The following RNF123 variants were observed in gnomAD, a reference collection of about 807,000 sequenced individuals.
RNF123 encodes the protein E3 ubiquitin-protein ligase RNF123.
Under a neutral mutation model 168.5 loss-of-function variants are expected in RNF123, and 86 were observed. The observed-to-expected ratio is 0.51, with a 90% confidence interval of 0.43 to 0.61. The LOEUF (loss-of-function observed/expected upper bound fraction) is 0.61. Ranked by LOEUF, RNF123 falls within the 20% of genes least tolerant of loss-of-function variation. The probability of loss-of-function intolerance (pLI) is 0.00; values close to 1 mark genes in which losing one functional copy is unlikely to be tolerated. For missense variants in RNF123, 1,419 were observed against 1,729.7 expected (o/e 0.82, Z 3.19); for synonymous variants, 666 against 689.1 (o/e 0.97, Z 0.52).
rs753452401 is a variant in RNF123, at chr3:49,699,649, C to A, written c.880-19C>A. 3 of 1,613,332 alleles carry A rather than the reference C, an allele frequency of 1.9e-6. No individual in the cohort carries two copies. Among genetic ancestry groups the A allele is most frequent in the Non-Finnish European group, 2.5e-6 (3 of 1,179,620 alleles). Reference sequence around the variant, plus strand: ...AGCCTCCTGCCCCTCACACTTCTCCCTCCTCCCCCTCCACACAGGAGGGGC... The same window carrying A: ...AGCCTCCTGCCCCTCACACTTCTCCATCCTCCCCCTCCACACAGGAGGGGC... On this transcript the variant is annotated intron_variant, in intron 11 of 38. Transcript: ENST00000327697. The surrounding 1 kb of genome is among the most constrained non-coding windows in gnomAD (Gnocchi z 4.8).
At position 49,720,514 on chromosome 3, in the gene RNF123, A is replaced by G. The variant is rs1559694087; in HGVS notation, c.3504A>G (p.Arg1168=). 1.3e-6 allele frequency: 2 copies of G among 1,579,726 alleles called. No individual in the cohort carries two copies. The highest frequency in any genetic ancestry group is 4.5e-5 in the East Asian group (2 of 44,546). ...CCTTGCACCCTCCCCTACCTAGGAGAGAGCAAGCCACATCAGTGCTCCTGG... is the reference window on the plus strand; with the variant it reads ...CCTTGCACCCTCCCCTACCTAGGAGGGAGCAAGCCACATCAGTGCTCCTGG... ...QLLVRGPASE[R]EQATSVLLAD... Residue 1168 remains arginine (R), a synonymous_variant, in exon 36 of 39, where the codon AGA becomes AGG. Coordinates refer to ENST00000327697, the MANE Select transcript of RNF123 (RefSeq NM_022064.5).
In RNF123 at chr3:49,721,311, A is replaced by G. The variant is rs1264937186; in HGVS notation, c.*6A>G. ...CTACCTCCTCAGCTGCCTAGCCCTC[A>G]CAGCCTGTGCCATCCTGGAACCTCC... is the stretch of plus-strand genomic sequence containing the variant. On this transcript the variant is annotated 3_prime_UTR_variant, in exon 39 of 39. Transcript: ENST00000327697. The G allele has an allele frequency of 4.3e-6, 7 of 1,614,144 alleles. No homozygotes were observed. The highest frequency in any genetic ancestry group is 5.9e-6 in the Non-Finnish European group (7 of 1,180,002).
At chr3:49,710,362 C>G (rs917447846) in intron 26 of RNF123, among the ~76,000 whole-genome samples, 16 of 152,132 alleles carry the variant, frequency 1.1e-4, no homozygotes, top group Non-Finnish European at 2.1e-4. Flanking sequence ...TCACTGCAAC[C>G]TCTGCCTCCC....
In RNF123 at chr3:49,700,699, A is replaced by T; in HGVS notation, c.1267A>T (p.Ser423Cys). Residue 423 changes from serine (S) to cysteine (C), a missense_variant, in exon 15 of 39, where the codon AGC becomes TGC. Transcript: ENST00000327697. ...TGAGAAGTCCCGCAAGTTTCTGCTTAGCAATGTCCTGTATCCTTTCCTTGC... is the reference window on the plus strand; with the variant it reads ...TGAGAAGTCCCGCAAGTTTCTGCTTTGCAATGTCCTGTATCCTTTCCTTGC... ...RHEKSRKFLL[S>C]NVLFDVLRSV... The T allele has an allele frequency of 6.2e-7, 1 of 1,614,198 alleles. No individual in the cohort carries two copies. The highest frequency in any genetic ancestry group is 8.5e-7 in the Non-Finnish European group (1 of 1,180,038).
intron 35 of RNF123, 141 bp downstream of exon 35, chr3:49,716,618 G>A: frequency 2.6e-6 from 2 of 763,516 alleles, no homozygotes; most frequent in Admixed American, 2.3e-5. Flanking sequence ...GGAAGGTGGT[G>A]AGGTGTGAAC....
rs1491985 is a variant in RNF123 at position 49,702,074 on chromosome 3, G to C, written c.1496-9G>C. ...AGCCTGAGGGCCATGTTCCTCACCTGACCTCCAGTGGTGGAAGAACTACAG... is the reference window on the plus strand; with the variant it reads ...AGCCTGAGGGCCATGTTCCTCACCTCACCTCCAGTGGTGGAAGAACTACAG... On this transcript the variant is annotated splice_polypyrimidine_tract_variant and intron_variant, in intron 17 of 38. Coordinates refer to ENST00000327697, the MANE Select transcript of RNF123 (RefSeq NM_022064.5). 1,345,301 of 1,612,658 alleles carry C rather than the reference G, an allele frequency of 0.83. 563,644 individuals carry two copies. The highest frequency in any genetic ancestry group is 1 in the East Asian group (44,724 of 44,870).
At position 49,700,455 on chromosome 3, in the gene RNF123, G is replaced by A; in HGVS notation, c.1111-17G>A. 6.2e-7 allele frequency: 1 copy of A among 1,613,304 alleles called. No individual in the cohort carries two copies. The highest frequency in any genetic ancestry group is 8.5e-7 in the Non-Finnish European group (1 of 1,179,332). On this transcript the variant is annotated splice_polypyrimidine_tract_variant and intron_variant, in intron 13 of 38. Coordinates refer to ENST00000327697, the MANE Select transcript of RNF123 (RefSeq NM_022064.5). ...AAAAGGCCCCAGTCATGGCTGCCTT[G>A]GCATCTCTTCCCCCAGGACTACGAG...
intron 20 of RNF123, 50 bp from the exon 21 acceptor site, chr3:49,703,377 T>G (rs1575527910): frequency 6.8e-7 from 1 of 1,475,382 alleles, no homozygotes. Flanking sequence ...GTGGGGAGGG[T>G]CTTCCTACTG....
At position 49,699,225 on chromosome 3, in the gene RNF123, G is replaced by A; in HGVS notation, c.764+120G>A. On this transcript the variant is annotated intron_variant, in intron 10 of 38. Coordinates refer to ENST00000327697, the MANE Select transcript of RNF123 (RefSeq NM_022064.5). This position sits in a 1 kb window ranked among gnomAD's most constrained non-coding sequence, Gnocchi z 4.8. ...GCAGGCCCTGGCTGCTGCAGAGTTA[G>A]TGGGGGGCCATGTAGAGTGTCGAAG... 7.3e-7 allele frequency: 1 copy of A among 1,375,386 alleles called. No individual in the cohort carries two copies. Among genetic ancestry groups the A allele is most frequent in the Non-Finnish European group, 9.9e-7 (1 of 1,014,368 alleles). 85.2% of individuals were successfully genotyped at this position (1,375,386 alleles called of 1,614,324 possible). A position where few individuals can be genotyped will look rare whatever the true frequency, so the allele number is the denominator to read the frequency against.
Position 49,703,541 on chromosome 3 carries a change from C to T in RNF123, c.1852+13C>T, listed in dbSNP as rs751820489. On this transcript the variant is annotated intron_variant, in intron 21 of 38. Transcript: ENST00000327697. ...AAGACCCTCAAAGGTGTGTACAGGC[C>T]TGTGGGCCGGGAGCAGTTCTGGGGC... The T allele has an allele frequency of 1.2e-6, 2 of 1,608,916 alleles. No homozygotes were observed. The highest frequency in any genetic ancestry group is 1.7e-6 in the Non-Finnish European group (2 of 1,176,308).
intron 34 of RNF123, 105 bp from the exon 35 acceptor site, chr3:49,716,288 C>G: frequency 6.5e-7 from 1 of 1,548,096 alleles, no homozygotes; most frequent in South Asian, 1.1e-5. Context: ...ACTTGGTGCT[C>G]TGCAGTCTCG....
rs1256166075 is a variant in RNF123, at chr3:49,700,322, G to A, written c.1080G>A (p.Gln360=). The stretch of plus-strand genomic sequence containing the variant: ...CACAGGCACAGTCCGTGGTGCACCA[G>A]GTCCTGGACCTCTTGTGGCTCTTCA... ...TPTQAQSVVH[Q]VLDLLWLFME... The change falls in exon 13 of 39, where the codon CAG becomes CAA. Residue 360 remains glutamine, a synonymous_variant. Transcript: ENST00000327697. 6.2e-7 allele frequency: 1 copy of A among 1,614,240 alleles called. No homozygotes were observed. The highest frequency in any genetic ancestry group is 2.2e-5 in the East Asian group (1 of 44,884).
At chr3:49,709,857 G>A (rs1020318020) in intron 26 of RNF123, among the ~76,000 whole-genome samples, 2 of 152,264 alleles carry the variant, frequency 1.3e-5, no homozygotes, top group African/African-American at 4.8e-5. Flanking sequence ...GCAGGCATGA[G>A]CCACCGCGCC....
intron 3 of RNF123, among the ~76,000 whole-genome samples, chr3:49,692,522 T>C (rs145107385): frequency 5.3e-4 from 81 of 152,332 alleles, no homozygotes; most frequent in African/African-American, 1.8e-3. Flanking sequence ...TTTTTAAATG[T>C]ACAATTATTA....
chr3:49,691,310 C>A, intron 2 of RNF123, 63 bp downstream of exon 2: 1 of 1,590,198 alleles, frequency 6.3e-7, no homozygotes, highest in South Asian at 1.1e-5. Flanking sequence ...GGGACAAAGG[C>A]CTCAGGCCTT....
Position 49,720,847 on chromosome 3 carries a change from C to G in RNF123, c.3691C>G (p.Leu1231Val), listed in dbSNP as rs1326824670. The change falls in exon 37 of 39, where the codon CTG becomes GTG. Residue 1231 changes from leucine to valine, a missense_variant. By Grantham distance (32) the Leu-to-Val change is conservative (BLOSUM62 1). Coordinates refer to ENST00000327697, the MANE Select transcript of RNF123 (RefSeq NM_022064.5). ...ADELAQVEQM[L>V]AHLTSASAQA... ...TGAGCTGGCCCAAGTGGAACAGATG[C>G]TGGCGCACCTGACCTCTGCATCTGC... is the stretch of plus-strand genomic sequence containing the variant. The G allele has an allele frequency of 2.5e-6, 4 of 1,614,080 alleles. No individual in the cohort carries two copies. Among genetic ancestry groups the G allele is most frequent in the Non-Finnish European group, 3.4e-6 (4 of 1,180,046 alleles).
At chr3:49,700,391 G>A (rs756174577) in intron 13 of RNF123, 39 bp downstream of exon 13, 2 of 1,613,162 alleles carry the variant, frequency 1.2e-6, no homozygotes, top group Non-Finnish European at 1.7e-6. Context: ...CTGGCTGTCA[G>A]TCTTCACTGG....
Position 49,700,649 on chromosome 3 carries a change from G to C in RNF123, c.1217G>C (p.Arg406Pro). Residue 406 changes from arginine to proline, a missense_variant, in exon 15 of 39, where the codon CGG (arginine) becomes CCG (proline). Arg to Pro is a moderately radical substitution (Grantham distance 103). Transcript: ENST00000327697. Reference protein sequence around the residue: ...PDLGLQIHYLRLTIAILRHEK... With the variant: ...PDLGLQIHYLPLTIAILRHEK... ...CCCTCTCCACAGATCCATTACCTGC[G>C]GCTCACTATCGCCATCCTGAGGCAT... 3 of 1,614,138 alleles carry C rather than the reference G, an allele frequency of 1.9e-6. No individual in the cohort carries two copies. The South Asian group carries it at 3.3e-5, about 18-fold the overall frequency.
At chr3:49,713,336 GCC>G (rs1437458464) in intron 27 of RNF123, 175 bp from the exon 28 acceptor site, 3 of 635,046 alleles carry the variant, frequency 4.7e-6, no homozygotes, top group Non-Finnish European at 8.3e-6. Context: ...CTGTGCCTTA[GCC>G]CTTGCACAGC....
Sources: allele counts gnomAD v4.1 joint callset (sites outside exome capture counted in the v4.1 genomes callset), GRCh38; gene constraint gnomAD v4.1.1; non-coding constraint Gnocchi (gnomAD v3.1); transcripts MANE v1.5; gene names NCBI Gene and HGNC (gene_info 2026-07-23, HGNC 2026-07-21).